Variants in TLL2 observed in about 807,000 individuals in gnomAD.
TLL2 encodes tolloid-like protein 2.
In TLL2, 106 loss-of-function variants were observed where a neutral mutation model predicts 123.0. The ratio of observed to expected loss-of-function variants is 0.86; its 90% CI spans 0.74 to 1.01. The LOEUF (loss-of-function observed/expected upper bound fraction) is 1.01. TLL2 is among the 50% of genes least tolerant of loss of function. The pLI is 0.00. For missense variants in TLL2, 1,332 were observed against 1,336.7 expected (o/e 1.00, Z 0.06); for synonymous variants, 494 against 516.8 (o/e 0.96, Z 0.60).
chr10:96,410,944 T>A (rs1846497022), intron 8 of TLL2, among the ~76,000 whole-genome samples: 1 of 152,062 alleles, frequency 6.6e-6, no homozygotes, highest in South Asian at 2.1e-4. Flanking sequence ...AGAGAGAACA[T>A]GAAAATGCAA....
At chr10:96,482,872 C>A (rs1847324250) in intron 1 of TLL2, among the ~76,000 whole-genome samples, 1 of 152,134 alleles carries the variant, frequency 6.6e-6, no homozygotes, top group Non-Finnish European at 1.5e-5. Flanking sequence ...CAAGAACCAA[C>A]CAAGATGGTA....
chr10:96,429,015 G>A (rs1191288505), intron 4 of TLL2, among the ~76,000 whole-genome samples: 6 of 152,026 alleles, frequency 3.9e-5, no homozygotes, highest in African/African-American at 1.4e-4. Context: ...TGTTGGTCAG[G>A]CTAGTCTTGA....
chr10:96,457,250 CA>C (rs938668639), intron 2 of TLL2, among the ~76,000 whole-genome samples: 1 of 152,124 alleles, frequency 6.6e-6, no homozygotes, highest in Non-Finnish European at 1.5e-5. Flanking sequence ...ACAGCTGAAC[CA>C]GCCTCCCTGC....
rs1179329824 is a variant in TLL2 at position 96,405,253 on chromosome 10, A to T, written c.1246T>A (p.Trp416Arg). 1.2e-6 allele frequency: 2 copies of T among 1,614,156 alleles called. No homozygotes were observed. Among genetic ancestry groups the T allele is most frequent in the South Asian group, 1.1e-5 (1 of 91,080 alleles). The change falls in exon 10 of 21, where the codon TGG becomes AGG. Residue 416 changes from tryptophan to arginine, a missense_variant. Trp to Arg is a moderately radical substitution (Grantham distance 101, BLOSUM62 -3). Transcript: ENST00000357947. ...TTACCCAAAAGGGGGGCTTTTCTCC[A>T]GTAACCATCCCGGACCTCCACGTAA... ...YDYVEVRDGYWRKAPLLGRFC... is the reference protein window; with the variant it reads ...YDYVEVRDGYRRKAPLLGRFC...
chr10:96,485,900 C>T (rs1246960452), intron 1 of TLL2, among the ~76,000 whole-genome samples: 5 of 152,038 alleles, frequency 3.3e-5, no homozygotes, highest in South Asian at 4.1e-4. Flanking sequence ...AAAAAGTGTC[C>T]GATGTCAATT....
At chr10:96,506,963 T>A (rs1367985723) in intron 1 of TLL2, among the ~76,000 whole-genome samples, 1 of 152,164 alleles carries the variant, frequency 6.6e-6, no homozygotes, top group Non-Finnish European at 1.5e-5. Context: ...AATCTAGGCC[T>A]GAAGCTCAGT....
At chr10:96,407,965 C>A (rs761629027) in intron 9 of TLL2, among the ~76,000 whole-genome samples, 5 of 152,226 alleles carry the variant, frequency 3.3e-5, no homozygotes, top group Non-Finnish European at 7.3e-5. Context: ...ACATTAAAAT[C>A]AACTTTGAAG....
At chr10:96,461,545 A>T (rs1379755366) in intron 2 of TLL2, among the ~76,000 whole-genome samples, 2 of 151,832 alleles carry the variant, frequency 1.3e-5, no homozygotes, top group Non-Finnish European at 2.9e-5. Context: ...CCTCCTGCCA[A>T]CCACCCTGGA....
Position 96,395,252 on chromosome 10 carries a change from A to G in TLL2, c.1661T>C (p.Leu554Pro), listed in dbSNP as rs546079212. The G allele has an allele frequency of 6.2e-7, 1 of 1,613,810 alleles. No individual in the cohort carries two copies. Among genetic ancestry groups the G allele is most frequent in the African/African-American group, 1.3e-5 (1 of 75,028 alleles). ...GCCATCGGACACAAACTTCATCCAC[A>G]GTCTGTTGGAGCTCGATTTCACATC... The part of the protein sequence containing the change: ...PEDVKSSSNR[L>P]WMKFVSDGSI... The change falls in exon 13 of 21, where the codon CTG becomes CCG. Residue 554 changes from leucine (L) to proline (P), a missense_variant. Leu to Pro is a moderately conservative substitution (Grantham distance 98). Transcript: ENST00000357947.
chr10:96,464,543 C>T (rs771676466), intron 2 of TLL2, among the ~76,000 whole-genome samples: 1 of 152,086 alleles, frequency 6.6e-6, no homozygotes, highest in Non-Finnish European at 1.5e-5. Flanking sequence ...GGATTACTCA[C>T]TTAGCACGTG....
At chr10:96,369,231 G>A (rs1356893683) in intron 20 of TLL2, among the ~76,000 whole-genome samples, 2 of 152,124 alleles carry the variant, frequency 1.3e-5, no homozygotes, top group South Asian at 2.1e-4. Flanking sequence ...CTCCCACCAA[G>A]CACCAACTAT....
chr10:96,380,773 A>C (rs1589406472), intron 16 of TLL2, among the ~76,000 whole-genome samples: 1 of 143,578 alleles, frequency 7.0e-6, no homozygotes, highest in South Asian at 2.2e-4. Context: ...TAATCCCAGC[A>C]CTTTGGGAGG....
At chr10:96,479,227 A>T (rs1847287963) in intron 2 of TLL2, among the ~76,000 whole-genome samples, 1 of 152,222 alleles carries the variant, frequency 6.6e-6, no homozygotes, top group Non-Finnish European at 1.5e-5. Context: ...ACCAAAAAGA[A>T]ATCCTAAAGT....
intron 1 of TLL2, among the ~76,000 whole-genome samples, chr10:96,482,982 T>G (rs568363926): frequency 3.9e-5 from 6 of 152,178 alleles, no homozygotes; most frequent in Non-Finnish European, 7.3e-5. Flanking sequence ...TAGCAATAAT[T>G]AAGTCTGGAG....
At chr10:96,381,326 A>C (rs1017428412) in intron 16 of TLL2, among the ~76,000 whole-genome samples, 4 of 152,264 alleles carry the variant, frequency 2.6e-5, no homozygotes, top group Admixed American at 1.3e-4. Context: ...TTCCTGTTTC[A>C]TCGGGTCCCT....
In TLL2 at chr10:96,513,524, G is replaced by A. The variant is rs138912134; in HGVS notation, c.162C>T (p.Asp54=). ...GTEQQLEHYH[D]PCKAAVFWGD... ...GGCGGCACCTACCGGCTTTGCAAGG[G>A]TCGTGGTAATGCTCCAGCTGCTGCT... Residue 54 remains aspartate, a synonymous_variant, in exon 1 of 21, where the codon GAC becomes GAT. Coordinates refer to ENST00000357947, the MANE Select transcript of TLL2 (RefSeq NM_012465.4). The A allele has an allele frequency of 9.5e-5, 153 of 1,612,490 alleles. No individual in the cohort carries two copies. The highest frequency in any genetic ancestry group is 1.2e-4 in the Non-Finnish European group (140 of 1,179,728).
In TLL2 at chr10:96,413,183, C is replaced by T; in HGVS notation, c.1048+9G>A. On this transcript the variant is annotated intron_variant, in intron 8 of 20. Coordinates refer to ENST00000357947, the MANE Select transcript of TLL2 (RefSeq NM_012465.4). ...GGAGGTGCTGGCAGTCCCCACGGCTCATAGTTACCTGGGCATTTGTACAGC... is the reference window on the plus strand; with the variant it reads ...GGAGGTGCTGGCAGTCCCCACGGCTTATAGTTACCTGGGCATTTGTACAGC... 6.2e-7 allele frequency: 1 copy of T among 1,613,894 alleles called. No homozygotes were observed. The highest frequency in any genetic ancestry group is 8.5e-7 in the Non-Finnish European group (1 of 1,179,824).
intron 13 of TLL2, among the ~76,000 whole-genome samples, chr10:96,391,822 C>T (rs984702337): frequency 7.2e-5 from 11 of 152,206 alleles, no homozygotes; most frequent in African/African-American, 2.7e-4. Context: ...TTGTTCTCTG[C>T]AGTTGTTTTA....
chr10:96,422,851 G>A (rs1846639679), intron 5 of TLL2, 124 bp from the exon 6 acceptor site: 1 of 1,189,316 alleles, frequency 8.4e-7, no homozygotes, highest in African/African-American at 1.5e-5. Context: ...TTTCAGGCCG[G>A]GTGCAGTGGC....
Sources: gnomAD v4.1 joint callset for allele counts (sites outside exome capture counted in the v4.1 genomes callset) on GRCh38, gnomAD v4.1.1 for gene constraint, MANE v1.5 for transcripts, NCBI Gene and HGNC (gene_info 2026-07-23, HGNC 2026-07-21) for gene names.